CD248: variants seen among roughly 807,000 people sequenced by gnomAD.
CD248 encodes CD248 molecule, also known as endosialin.
In CD248, 7 loss-of-function variants were observed where a neutral mutation model predicts 8.0. The observed-to-expected ratio is 0.88, with a 90% CI of 0.50 to 1.64. The LOEUF (loss-of-function observed/expected upper bound fraction) is 1.64, where lower values mean the gene tolerates loss of function less well. CD248 is among the 40% of genes most tolerant of loss of function. The pLI, the probability that CD248 is intolerant of heterozygous loss-of-function variation, is 0.00. For synonymous variants in CD248, 418 were observed against 437.1 expected (o/e 0.96, Z 0.54); for missense variants, 912 against 1,027.2 (o/e 0.89, Z 1.53).
Position 66,315,097 on chromosome 11 carries a change from TG to T in CD248, c.1930del (p.Gln644LysfsTer161), listed in dbSNP as rs752025310. 1 of 1,556,486 alleles carries T rather than the reference TG, an allele frequency of 6.4e-7. No individual in the cohort carries two copies. Among genetic ancestry groups the T allele is most frequent in the Non-Finnish European group, 8.7e-7 (1 of 1,150,518 alleles). ...SPTHPHSKAP[Q>X]IPREDGPSPK... is the part of the protein sequence containing the mutation. ...ACTGGGGCCATCTTCCCTTGGGATT[TG>T]GGGGGCTTTGGAATGGGGATGTGTA... On this transcript the variant is annotated frameshift_variant, in exon 1 of 1. Coordinates refer to ENST00000311330, the MANE Select transcript of CD248 (RefSeq NM_020404.3). LOFTEE classifies it high-confidence loss of function. This position sits in a 1 kb window ranked among gnomAD's most constrained non-coding sequence, Gnocchi z 4.3.
chr11:66,316,692 C>T lies in CD248; in HGVS notation c.336G>A (p.Thr112=), dbSNP rs1438570197. 2 of 1,606,972 alleles carry T rather than the reference C, an allele frequency of 1.2e-6. No individual in the cohort carries two copies. Residue 112 remains threonine (T), a synonymous_variant, in exon 1 of 1, where the codon ACG becomes ACA. Coordinates refer to ENST00000311330, the MANE Select transcript of CD248 (RefSeq NM_020404.3). The stretch of plus-strand genomic sequence containing the variant: ...CTGGCTGGGCCCAGTTGGTGAAAGC[C>T]GTGTCCTGGTCCCCTGTGGTCCACG... The part of the protein sequence containing the change: ...GFTWTTGDQD[T]AFTNWAQPAS...
At position 66,316,928 on chromosome 11, in the gene CD248, A is replaced by G; in HGVS notation, c.100T>C (p.Cys34Arg). Residue 34 changes from cysteine to arginine, a missense_variant, in exon 1 of 1, where the codon TGC (cysteine) becomes CGC (arginine). Transcript: ENST00000311330. ...CGGCGCCGTGGGAAGAGAGCGTAGC[A>G]GCTGCTGGGGCCGCAGGCGGCACGG... ...EPRAACGPSS[C>R]YALFPRRRTF... is the part of the protein sequence containing the mutation. 6.4e-7 allele frequency: 1 copy of G among 1,556,044 alleles called. No individual in the cohort carries two copies. Among genetic ancestry groups the G allele is most frequent in the Non-Finnish European group, 8.6e-7 (1 of 1,161,786 alleles).
At position 66,315,732 on chromosome 11, in the gene CD248, CG is replaced by C; in HGVS notation, c.1295del (p.Pro432ArgfsTer37). Reference protein sequence around the residue: ...IPYPEPTWPPPLSAPRVPYHS... With the variant: ...IPYPEPTWPPXLSAPRVPYHS... ...GGTAGGGGACCCTGGGGGCACTGAG[CG>C]GGGGTGGCCAGGTGGGCTCCGGGTA... On this transcript the variant is annotated frameshift_variant, in exon 1 of 1. Transcript: ENST00000311330. LOFTEE classifies it low-confidence loss of function (END_TRUNC). The surrounding 1 kb of genome is among the most constrained non-coding windows in gnomAD (Gnocchi z 4.3). 6.2e-7 allele frequency: 1 copy of C among 1,610,036 alleles called. No individual in the cohort carries two copies. The highest frequency in any genetic ancestry group is 1.1e-5 in the South Asian group (1 of 90,762).
Position 66,316,586 on chromosome 11 carries a change from T to C in CD248, c.442A>G (p.Thr148Ala), listed in dbSNP as rs761031710. ...GEHRWLEGSC[T>A]LAVDGYLCQF... ...CACAGGTAGCCGTCGACAGCCAGCG[T>C]GCACGAGCCCTCCAGCCAGCGGTGC... The change falls in exon 1 of 1, where the codon ACG becomes GCG. Residue 148 changes from threonine (T) to alanine (A), a missense_variant. Thr to Ala is a moderately conservative substitution (Grantham distance 58, BLOSUM62 0). This residue lies in a region of CD248 where 403 missense variants were observed against 446.2 expected (regional missense o/e 0.90). Coordinates refer to ENST00000311330, the MANE Select transcript of CD248 (RefSeq NM_020404.3). 3 of 1,601,258 alleles carry C rather than the reference T, an allele frequency of 1.9e-6. No homozygotes were observed. Among genetic ancestry groups the C allele is most frequent in the Non-Finnish European group, 2.5e-6 (3 of 1,179,384 alleles).
chr11:66,314,899 C>A lies in CD248; in HGVS notation c.2129G>T (p.Cys710Phe). The A allele has an allele frequency of 6.2e-7, 1 of 1,612,482 alleles. No individual in the cohort carries two copies. Among genetic ancestry groups the A allele is most frequent in the South Asian group, 1.1e-5 (1 of 90,890 alleles). ...GGGTGCATGGGGGCCACAGCGGGTGCAGTACACGATGCCCAGTGCAAGCAG... is the reference window on the plus strand; with the variant it reads ...GGGTGCATGGGGGCCACAGCGGGTGAAGTACACGATGCCCAGTGCAAGCAG... ...VVLLALGIVY[C>F]TRCGPHAPNK... Residue 710 changes from cysteine (C) to phenylalanine (F), a missense_variant, in exon 1 of 1, where the codon TGC becomes TTC. Around this residue, in one of 3 missense-constraint regions of CD248, gnomAD observed 507 missense variants for 562.2 expected, o/e 0.90. Coordinates refer to ENST00000311330, the MANE Select transcript of CD248 (RefSeq NM_020404.3). The surrounding 1 kb of genome is among the most constrained non-coding windows in gnomAD (Gnocchi z 4.0).
Position 66,316,931 on chromosome 11 carries a change from T to G in CD248, c.97A>C (p.Ser33Arg). The change falls in exon 1 of 1, where the codon AGC becomes CGC. Residue 33 changes from serine to arginine, a missense_variant. Physicochemically the swap from Ser to Arg is moderately radical, Grantham distance 110. Around this residue, in one of 3 missense-constraint regions of CD248, gnomAD observed 403 missense variants for 446.2 expected, o/e 0.90. Transcript: ENST00000311330. ...CGCCGTGGGAAGAGAGCGTAGCAGC[T>G]GCTGGGGCCGCAGGCGGCACGGGGC... ...AEPRAACGPS[S>R]CYALFPRRRT... The G allele has an allele frequency of 6.4e-7, 1 of 1,554,782 alleles. No homozygotes were observed. The highest frequency in any genetic ancestry group is 1.9e-5 in the Admixed American group (1 of 53,420).
In CD248 at chr11:66,314,729, C is replaced by T; in HGVS notation, c.*25G>A. On this transcript the variant is annotated 3_prime_UTR_variant, in exon 1 of 1. Coordinates refer to ENST00000311330, the MANE Select transcript of CD248 (RefSeq NM_020404.3). This position sits in a 1 kb window ranked among gnomAD's most constrained non-coding sequence, Gnocchi z 4.0. Reference sequence around the variant, plus strand: ...CCGGCCATGTGTCCAGCGCCCCATACTCCATGAGGGGGGTCTGCACCCCAT... The same window carrying T: ...CCGGCCATGTGTCCAGCGCCCCATATTCCATGAGGGGGGTCTGCACCCCAT... 2 of 1,533,764 alleles carry T rather than the reference C, an allele frequency of 1.3e-6. No individual in the cohort carries two copies. Among genetic ancestry groups the T allele is most frequent in the African/African-American group, 2.7e-5 (2 of 72,850 alleles).
chr11:66,315,929 C>T lies in CD248; in HGVS notation c.1099G>A (p.Glu367Lys), dbSNP rs770126977. Residue 367 changes from glutamate to lysine, a missense_variant, in exon 1 of 1, where the codon GAG becomes AAG. This residue lies in a region of CD248 where 507 missense variants were observed against 562.2 expected (regional missense o/e 0.90). Transcript: ENST00000311330. The surrounding 1 kb of genome is among the most constrained non-coding windows in gnomAD (Gnocchi z 4.3). ...GAQASQDLGD[E>K]LLDDGEDEED... ...TCATCCTCCCCGTCATCCAGCAACT[C>T]ATCTCCGAGGTCCTGGGAAGCCTGG... The T allele has an allele frequency of 2.5e-6, 4 of 1,613,468 alleles. No homozygotes were observed. The highest frequency in any genetic ancestry group is 2.5e-6 in the Non-Finnish European group (3 of 1,180,022).
rs376672032 is a variant in CD248, at chr11:66,316,654, G to A, written c.374C>T (p.Pro125Leu). The A allele has an allele frequency of 8.7e-6, 14 of 1,605,682 alleles. No homozygotes were observed. The highest frequency in any genetic ancestry group is 1.2e-5 in the Non-Finnish European group (14 of 1,179,214). ...TNWAQPASGG[P>L]CPAQRCVALE... ...GGCCACACAGCGCTGGGCCGGGCAG[G>A]GGCCTCCAGAGGCTGGCTGGGCCCA... The change falls in exon 1 of 1, where the codon CCC becomes CTC. Residue 125 changes from proline (P) to leucine (L), a missense_variant. Pro to Leu is a moderately conservative substitution (Grantham distance 98). Around this residue, in one of 3 missense-constraint regions of CD248, gnomAD observed 403 missense variants for 446.2 expected, o/e 0.90. Coordinates refer to ENST00000311330, the MANE Select transcript of CD248 (RefSeq NM_020404.3).
chr11:66,315,800 A>G lies in CD248; in HGVS notation c.1228T>C (p.Tyr410His). The change falls in exon 1 of 1, where the codon TAT (tyrosine) becomes CAT (histidine). Residue 410 changes from tyrosine to histidine, a missense_variant. Around this residue, in one of 3 missense-constraint regions of CD248, gnomAD observed 507 missense variants for 562.2 expected, o/e 0.90. Coordinates refer to ENST00000311330, the MANE Select transcript of CD248 (RefSeq NM_020404.3). The surrounding 1 kb of genome is among the most constrained non-coding windows in gnomAD (Gnocchi z 4.3). ...PTQPPDFALA[Y>H]RPSFPEDREP... is the part of the protein sequence containing the mutation. ...CTGTCCTCTGGGAAGCTCGGTCTATAGGCCAGGGCAAAGTCAGGCGGCTGC... is the reference window on the plus strand; with the variant it reads ...CTGTCCTCTGGGAAGCTCGGTCTATGGGCCAGGGCAAAGTCAGGCGGCTGC... The G allele has an allele frequency of 1.2e-6, 2 of 1,613,936 alleles. No homozygotes were observed. The highest frequency in any genetic ancestry group is 2.2e-5 in the South Asian group (2 of 91,084).
Position 66,315,242 on chromosome 11 carries a change from A to G in CD248, c.1786T>C (p.Ser596Pro). Reference protein sequence around the residue: ...PTAQPSLTTTSRSPVSPAHQI... With the variant: ...PTAQPSLTTTPRSPVSPAHQI... Reference sequence around the variant, plus strand: ...TGGGCAGGAGACACAGGGGACCTGGAGGTGGTGGTCAGAGAGGGCTGGGCA... The same window carrying G: ...TGGGCAGGAGACACAGGGGACCTGGGGGTGGTGGTCAGAGAGGGCTGGGCA... The change falls in exon 1 of 1, where the codon TCC becomes CCC. Residue 596 changes from serine to proline, a missense_variant. By Grantham distance (74) the Ser-to-Pro change is moderately conservative. This residue lies in a region of CD248 where 507 missense variants were observed against 562.2 expected (regional missense o/e 0.90). Transcript: ENST00000311330. This position sits in a 1 kb window ranked among gnomAD's most constrained non-coding sequence, Gnocchi z 4.3. 6.5e-7 allele frequency: 1 copy of G among 1,528,696 alleles called. No homozygotes were observed. The highest frequency in any genetic ancestry group is 2.3e-5 in the East Asian group (1 of 44,206). The allele number at this position is 1,528,696 out of a possible 1,614,324, so 94.7% of individuals were successfully genotyped here. A position where few individuals can be genotyped will look rare whatever the true frequency, so the allele number is the denominator to read the frequency against.
At position 66,316,698 on chromosome 11, in the gene CD248, C is replaced by A; in HGVS notation, c.330G>T (p.Gln110His). 6.2e-7 allele frequency: 1 copy of A among 1,607,008 alleles called. No individual in the cohort carries two copies. Among genetic ancestry groups the A allele is most frequent in the Non-Finnish European group, 8.5e-7 (1 of 1,179,580 alleles). Residue 110 changes from glutamine to histidine, a missense_variant, in exon 1 of 1, where the codon CAG becomes CAT. Gln to His is a conservative substitution (Grantham distance 24). Around this residue, in one of 3 missense-constraint regions of CD248, gnomAD observed 403 missense variants for 446.2 expected, o/e 0.90. Coordinates refer to ENST00000311330, the MANE Select transcript of CD248 (RefSeq NM_020404.3). ...LRGFTWTTGD[Q>H]DTAFTNWAQP... ...GGGCCCAGTTGGTGAAAGCCGTGTC[C>A]TGGTCCCCTGTGGTCCACGTGAAGC...
At position 66,317,041 on chromosome 11, in the gene CD248, G is replaced by T; in HGVS notation, c.-14C>A. The T allele has an allele frequency of 7.1e-7, 1 of 1,399,698 alleles. No homozygotes were observed. The highest frequency in any genetic ancestry group is 1.6e-5 in the South Asian group (1 of 63,624). 86.7% of individuals were successfully genotyped at this position (1,399,698 alleles called of 1,614,324 possible). Reference sequence around the variant, plus strand: ...GCGCAGCAGCATCGCGATGCCCCCGGACTGGTCCGGCCCCGGGCTGGCGGC... The same window carrying T: ...GCGCAGCAGCATCGCGATGCCCCCGTACTGGTCCGGCCCCGGGCTGGCGGC... On this transcript the variant is annotated 5_prime_UTR_variant, in exon 1 of 1. Transcript: ENST00000311330.
rs370528592 is a variant in CD248 at position 66,315,809 on chromosome 11, C to A, written c.1219G>T (p.Ala407Ser). 2 of 1,613,938 alleles carry A rather than the reference C, an allele frequency of 1.2e-6. No individual in the cohort carries two copies. The highest frequency in any genetic ancestry group is 2.7e-5 in the African/African-American group (2 of 74,996). ...GGGAAGCTCGGTCTATAGGCCAGGG[C>A]AAAGTCAGGCGGCTGCGTAGGCTCC... ...WMEPTQPPDF[A>S]LAYRPSFPED... The change falls in exon 1 of 1, where the codon GCC becomes TCC. Residue 407 changes from alanine (A) to serine (S), a missense_variant. Ala to Ser is a moderately conservative substitution (Grantham distance 99). Around this residue, in one of 3 missense-constraint regions of CD248, gnomAD observed 507 missense variants for 562.2 expected, o/e 0.90. Transcript: ENST00000311330. The surrounding 1 kb of genome is among the most constrained non-coding windows in gnomAD (Gnocchi z 4.3).
rs1854545298 is a variant in CD248 at position 66,316,152 on chromosome 11, G to A, written c.876C>T (p.Tyr292=). 6.2e-7 allele frequency: 1 copy of A among 1,612,480 alleles called. No homozygotes were observed. The highest frequency in any genetic ancestry group is 8.5e-7 in the Non-Finnish European group (1 of 1,180,002). Residue 292 remains tyrosine, a synonymous_variant, in exon 1 of 1, where the codon TAC becomes TAT. Coordinates refer to ENST00000311330, the MANE Select transcript of CD248 (RefSeq NM_020404.3). ...QQCEPGGPQG[Y]SCHCRLGFRP... ...GGAAACCCAGGCGACAGTGGCAGCT[G>A]TAGCCTTGTGGCCCACCGGGCTCAC...
Position 66,316,878 on chromosome 11 carries a change from GGC to G in CD248, c.148_149del (p.Ala50LeufsTer120), listed in dbSNP as rs778984759. ...RRRTFLEAWR[A>X]CRELGGDLAT... ...CCAGGTCGCCCCCCAGCTCGCGGCA[GGC>G]CCGCCAGGCCTCCAGGAAGGTGCGG... On this transcript the variant is annotated frameshift_variant, in exon 1 of 1. Coordinates refer to ENST00000311330, the MANE Select transcript of CD248 (RefSeq NM_020404.3). LOFTEE classifies it low-confidence loss of function (END_TRUNC). The G allele has an allele frequency of 6.5e-7, 1 of 1,546,954 alleles. No individual in the cohort carries two copies. The highest frequency in any genetic ancestry group is 1.9e-5 in the Admixed American group (1 of 51,660).
chr11:66,315,749 G>T lies in CD248; in HGVS notation c.1279C>A (p.Pro427Thr). 2 of 1,610,972 alleles carry T rather than the reference G, an allele frequency of 1.2e-6. No individual in the cohort carries two copies. The highest frequency in any genetic ancestry group is 1.7e-6 in the Non-Finnish European group (2 of 1,177,848). ...DREPQIPYPE[P>T]TWPPPLSAPR... is the part of the protein sequence containing the mutation. ...GCACTGAGCGGGGGTGGCCAGGTGG[G>T]CTCCGGGTAGGGTATCTGTGGCTCT... The change falls in exon 1 of 1, where the codon CCC becomes ACC. Residue 427 changes from proline (P) to threonine (T), a missense_variant. By Grantham distance (38) the Pro-to-Thr change is conservative (BLOSUM62 -1). This residue lies in a region of CD248 where 507 missense variants were observed against 562.2 expected (regional missense o/e 0.90). Transcript: ENST00000311330. The surrounding 1 kb of genome is among the most constrained non-coding windows in gnomAD (Gnocchi z 4.3).
Position 66,315,919 on chromosome 11 carries a change from T to C in CD248, c.1109A>G (p.Asp370Gly), listed in dbSNP as rs777753809. 1 of 1,613,508 alleles carries C rather than the reference T, an allele frequency of 6.2e-7. No homozygotes were observed. Among genetic ancestry groups the C allele is most frequent in the Admixed American group, 1.7e-5 (1 of 60,020 alleles). Residue 370 changes from aspartate (D) to glycine (G), a missense_variant, in exon 1 of 1, where the codon GAT (aspartate) becomes GGT (glycine). Around this residue, in one of 3 missense-constraint regions of CD248, gnomAD observed 507 missense variants for 562.2 expected, o/e 0.90. Coordinates refer to ENST00000311330, the MANE Select transcript of CD248 (RefSeq NM_020404.3). This position sits in a 1 kb window ranked among gnomAD's most constrained non-coding sequence, Gnocchi z 4.3. ...TTCATCTTCCTCATCCTCCCCGTCA[T>C]CCAGCAACTCATCTCCGAGGTCCTG... Reference protein sequence around the residue: ...ASQDLGDELLDDGEDEEDEDE... With the variant: ...ASQDLGDELLGDGEDEEDEDE...
At position 66,314,975 on chromosome 11, in the gene CD248, G is replaced by A. The variant is rs780718198; in HGVS notation, c.2053C>T (p.Arg685Trp). ...ACCAGGAGTGCCACCAGCAGCCACC[G>A]GTCATCCCTCTGGCTGTGCTCGGCA... ...GLAEHSQRDDRWLLVALLVPT... is the reference protein window; with the variant it reads ...GLAEHSQRDDWWLLVALLVPT... The change falls in exon 1 of 1, where the codon CGG (arginine) becomes TGG (tryptophan). Residue 685 changes from arginine to tryptophan, a missense_variant. Arg to Trp is a moderately radical substitution (Grantham distance 101). Transcript: ENST00000311330. The surrounding 1 kb of genome is among the most constrained non-coding windows in gnomAD (Gnocchi z 4.0). 9 of 1,613,132 alleles carry A rather than the reference G, an allele frequency of 5.6e-6. No homozygotes were observed. The highest frequency in any genetic ancestry group is 4.5e-5 in the East Asian group (2 of 44,878).
Sources: gnomAD v4.1 joint callset for allele counts on GRCh38, gnomAD v4.1.1 for gene constraint, gnomAD v4.1.1 regional missense constraint, Gnocchi (gnomAD v3.1) non-coding constraint, MANE v1.5 for transcripts, NCBI Gene and HGNC (gene_info 2026-07-23, HGNC 2026-07-21) for gene names.